The following ANAPC10 variants were observed in gnomAD, a reference collection of about 807,000 sequenced individuals.
ANAPC10 encodes the protein anaphase-promoting complex subunit 10.
A neutral mutation model predicts 22.0 loss-of-function variants in ANAPC10; 12 were observed. The ratio of observed to expected loss-of-function variants is 0.55; its 90% CI spans 0.35 to 0.88. ANAPC10 has a LOEUF of 0.88. ANAPC10 is among the 40% of genes least tolerant of loss of function. The probability of loss-of-function intolerance (pLI) is 0.01; values close to 1 mark genes in which losing one functional copy is unlikely to be tolerated. For synonymous variants in ANAPC10, 65 were observed against 69.5 expected, an observed-to-expected ratio of 0.94 and a Z score of 0.32; for missense variants, 188 against 220.9, an observed-to-expected ratio of 0.85 and a Z score of 0.94.
At chr4:145,017,618 G>A (rs1432938936) in intron 4 of ANAPC10, among the ~76,000 whole-genome samples, 1 of 152,114 alleles carries the variant, frequency 6.6e-6, no homozygotes, top group Non-Finnish European at 1.5e-5. Flanking sequence ...TCCCATTACT[G>A]GGTATATACC....
rs554560178 is a variant in ANAPC10 at position 145,028,708 on chromosome 4, C to T, written c.328-33105G>A. 3.9e-5 allele frequency among the ~76,000 whole-genome samples: 6 copies of T among 152,242 alleles called. No homozygotes were observed. In the East Asian group the frequency reaches 1.2e-3, roughly 29 times the overall value. ...GGTGTAAACTGTTTAGAGAGTTATG[C>T]AAAATAAATGTGTTTGACACTTGAT... On this transcript the variant is annotated intron_variant, in intron 4 of 4. Coordinates refer to ENST00000507656, the MANE Select transcript of ANAPC10 (RefSeq NM_001256706.2).
chr4:145,086,582 C>T (rs1239112591), intron 2 of ANAPC10, among the ~76,000 whole-genome samples: 1 of 152,124 alleles, frequency 6.6e-6, no homozygotes, highest in Non-Finnish European at 1.5e-5. Context: ...GATTCTGATG[C>T]ATGCTAAAAT....
At chr4:145,029,739 T>C (rs1017314227) in intron 4 of ANAPC10, among the ~76,000 whole-genome samples, 1 of 152,094 alleles carries the variant, frequency 6.6e-6, no homozygotes, top group Non-Finnish European at 1.5e-5. Context: ...CTTTGTTTAA[T>C]GTAGAGGAAG....
At chr4:145,018,024 G>A (rs1287620275) in intron 4 of ANAPC10, among the ~76,000 whole-genome samples, 1 of 150,686 alleles carries the variant, frequency 6.6e-6, no homozygotes, top group Non-Finnish European at 1.5e-5. Context: ...TGTAAATGAC[G>A]AGTTAATGGG....
intron 4 of ANAPC10, among the ~76,000 whole-genome samples, chr4:145,003,323 T>C (rs1732865322): frequency 6.6e-6 from 1 of 152,192 alleles, no homozygotes; most frequent in South Asian, 2.1e-4. Flanking sequence ...GTCTTTACTA[T>C]TAGCTGCAAT....
At chr4:145,006,714 T>C (rs1435556645) in intron 4 of ANAPC10, among the ~76,000 whole-genome samples, 2 of 152,180 alleles carry the variant, frequency 1.3e-5, no homozygotes, top group Non-Finnish European at 2.9e-5. Context: ...TCATTATTGC[T>C]AAATCCATGG....
At chr4:145,082,518 T>C (rs1746225126) in intron 2 of ANAPC10, among the ~76,000 whole-genome samples, 1 of 152,188 alleles carries the variant, frequency 6.6e-6, no homozygotes, top group Non-Finnish European at 1.5e-5. Flanking sequence ...ATAGTAAAAA[T>C]GACTAAGCAC....
chr4:145,037,819 T>A (rs906603467), intron 4 of ANAPC10, among the ~76,000 whole-genome samples: 1 of 151,690 alleles, frequency 6.6e-6, no homozygotes, highest in Non-Finnish European at 1.5e-5. Flanking sequence ...TGGTAGCATA[T>A]GCCAGTAGTC....
At chr4:145,060,510 G>A (rs1439692588) in intron 4 of ANAPC10, among the ~76,000 whole-genome samples, 1 of 151,808 alleles carries the variant, frequency 6.6e-6, no homozygotes, top group African/African-American at 2.4e-5. Flanking sequence ...TATTTTTTAA[G>A]TTACTACTTC....
intron 2 of ANAPC10, among the ~76,000 whole-genome samples, chr4:145,088,810 T>A (rs1388997614): frequency 6.6e-6 from 1 of 152,172 alleles, no homozygotes; most frequent in East Asian, 1.9e-4. Context: ...TTAAAATCAA[T>A]ACTCTTTTTC....
At chr4:145,049,432 T>C (rs1056328051) in intron 4 of ANAPC10, among the ~76,000 whole-genome samples, 5 of 152,236 alleles carry the variant, frequency 3.3e-5, no homozygotes, top group Non-Finnish European at 7.3e-5. Context: ...TGATGCAATA[T>C]TCTAAATTCT....
At chr4:145,039,808 A>G (rs1043564390) in intron 4 of ANAPC10, among the ~76,000 whole-genome samples, 1 of 151,950 alleles carries the variant, frequency 6.6e-6, no homozygotes, top group African/African-American at 2.4e-5. Context: ...GTTGGCCAGG[A>G]TGGTCTCGAT....
At position 145,025,338 on chromosome 4, in the gene ANAPC10, C is replaced by A. The variant is rs982345261; in HGVS notation, c.328-29735G>T. The stretch of plus-strand genomic sequence containing the variant: ...CTATTTTGGCTTTCAACACGCCCCC[C>A]CCCCCTTTTAAGCTCAGTCCTTTCT... On this transcript the variant is annotated intron_variant, in intron 4 of 4. Coordinates refer to ENST00000507656, the MANE Select transcript of ANAPC10 (RefSeq NM_001256706.2). 3.3e-5 allele frequency among the ~76,000 whole-genome samples: 5 copies of A among 150,076 alleles called. No homozygotes were observed. The East Asian group carries it at 9.9e-4, about 30-fold the overall frequency.
At chr4:145,033,933 G>A (rs944989312) in intron 4 of ANAPC10, among the ~76,000 whole-genome samples, 3 of 152,144 alleles carry the variant, frequency 2.0e-5, no homozygotes, top group Non-Finnish European at 4.4e-5. Flanking sequence ...ATCAAGTGAC[G>A]TAAGATTTAC....
intron 4 of ANAPC10, among the ~76,000 whole-genome samples, chr4:145,048,381 T>TA: frequency 6.6e-6 from 1 of 152,128 alleles, no homozygotes; most frequent in Non-Finnish European, 1.5e-5. Flanking sequence ...TAGAAATAAA[T>TA]ATATACAATT....
chr4:145,029,163 C>T (rs2127041972), intron 4 of ANAPC10, among the ~76,000 whole-genome samples: 1 of 152,222 alleles, frequency 6.6e-6, no homozygotes, highest in Middle Eastern at 3.4e-3. Context: ...AGTTCGTAAA[C>T]TCTGATGAGG....
intron 4 of ANAPC10, among the ~76,000 whole-genome samples, chr4:145,043,635 C>A (rs541341055): frequency 6.6e-6 from 1 of 152,174 alleles, no homozygotes; most frequent in Admixed American, 6.6e-5. Context: ...CATTATAAAT[C>A]TTTTTTTATT....
chr4:145,097,950 A>C, intron 1 of ANAPC10, 170 bp downstream of exon 1: 1 of 200,866 alleles, frequency 5.0e-6, no homozygotes, highest in Non-Finnish European at 1.0e-5. Flanking sequence ...TCGGCACCAG[A>C]CTCTGTTGGT....
At chr4:145,079,035 G>A (rs1000792465) in intron 3 of ANAPC10, among the ~76,000 whole-genome samples, 23 of 152,130 alleles carry the variant, frequency 1.5e-4, no homozygotes, top group African/African-American at 5.5e-4. Context: ...TTGACAAGTG[G>A]GACCTAATTA....
Sources: gnomAD v4.1 joint callset for allele counts (sites outside exome capture counted in the v4.1 genomes callset) on GRCh38, gnomAD v4.1.1 for gene constraint, MANE v1.5 for transcripts, NCBI Gene and HGNC (gene_info 2026-07-23, HGNC 2026-07-21) for gene names.